The following MEGF11 variants were observed in gnomAD, a reference collection of about 807,000 sequenced individuals.
MEGF11 encodes multiple epidermal growth factor-like domains protein 11.
MEGF11 carries 126 observed loss-of-function variants against 146.6 expected under a neutral mutation model. The ratio of observed to expected loss-of-function variants is 0.86; its 90% CI spans 0.74 to 1.00. MEGF11 has a LOEUF of 1.00. MEGF11 is among the 50% of genes least tolerant of loss of function. The pLI, the probability that MEGF11 is intolerant of heterozygous loss-of-function variation, is 0.00. For missense variants in MEGF11, 1,509 were observed against 1,521.2 expected (o/e 0.99, Z 0.13); for synonymous variants, 532 against 583.4 (o/e 0.91, Z 1.27).
At chr15:66,097,864 G>C (rs113039541) in intron 4 of MEGF11, among the ~76,000 whole-genome samples, 1 of 152,136 alleles carries the variant, frequency 6.6e-6, no homozygotes, top group Non-Finnish European at 1.5e-5. Context: ...CTCGCACAGG[G>C]TAAGATGAGT....
At chr15:65,968,326 G>A (rs947654942) in intron 8 of MEGF11, among the ~76,000 whole-genome samples, 1 of 152,200 alleles carries the variant, frequency 6.6e-6, no homozygotes, top group Admixed American at 6.5e-5. Context: ...GTGCTTTGCT[G>A]GCCTCGAATG....
intron 3 of MEGF11, among the ~76,000 whole-genome samples, chr15:66,120,567 C>T (rs1015025498): frequency 1.3e-5 from 2 of 152,186 alleles, no homozygotes; most frequent in Non-Finnish European, 2.9e-5. Flanking sequence ...GGACAACCCT[C>T]CCACACCTTA....
chr15:66,079,613 C>T (rs889596278), intron 5 of MEGF11, among the ~76,000 whole-genome samples: 3 of 150,932 alleles, frequency 2.0e-5, no homozygotes, highest in South Asian at 2.1e-4. Flanking sequence ...GACAGGCCGA[C>T]GGCTCAGATA....
chr15:66,147,225 CCCT>C (rs1184241106), intron 1 of MEGF11, among the ~76,000 whole-genome samples: 1 of 152,130 alleles, frequency 6.6e-6, no homozygotes, highest in African/African-American at 2.4e-5. Flanking sequence ...CCACCCTAGT[CCCT>C]CCTCCTAAAT....
rs1025944271 is a variant in MEGF11, at chr15:66,183,393, G to A, written c.-8-54982C>T. Among the ~76,000 whole-genome samples the A allele has an allele frequency of 5.3e-5, 8 of 151,948 alleles. No homozygotes were observed. In the South Asian group the frequency reaches 6.3e-4, roughly 12 times the overall value. ...CTCACGGCTGTAGTCCCAGCTATTC[G>A]GGAGGCTGAGGCAAAAGAATCGCTT... On this transcript the variant is annotated intron_variant, in intron 1 of 25. Coordinates refer to ENST00000395614, the MANE Select transcript of MEGF11 (RefSeq NM_001385028.1).
At chr15:65,939,242 G>T (rs962046426) in intron 10 of MEGF11, among the ~76,000 whole-genome samples, 6 of 152,190 alleles carry the variant, frequency 3.9e-5, no homozygotes, top group African/African-American at 1.4e-4. Context: ...AGTTGGCCTG[G>T]CTCAGCTATC....
At chr15:65,984,179 A>C (rs977039960) in intron 5 of MEGF11, among the ~76,000 whole-genome samples, 1 of 152,176 alleles carries the variant, frequency 6.6e-6, no homozygotes, top group Non-Finnish European at 1.5e-5. Flanking sequence ...TATTACAGTG[A>C]GTAAAGCAAA....
intron 1 of MEGF11, among the ~76,000 whole-genome samples, chr15:66,246,205 A>G (rs1402540957): frequency 1.3e-5 from 2 of 152,218 alleles, no homozygotes; most frequent in African/African-American, 4.8e-5. Flanking sequence ...TGCAATGAGC[A>G]GAGATCACGC....
At chr15:65,972,369 CT>C (rs1270153349) in intron 7 of MEGF11, among the ~76,000 whole-genome samples, 1 of 152,112 alleles carries the variant, frequency 6.6e-6, no homozygotes, top group Non-Finnish European at 1.5e-5. Flanking sequence ...TTATCGTAAA[CT>C]TTTATATCTC....
chr15:65,940,753 G>A (rs2079962085), intron 10 of MEGF11, among the ~76,000 whole-genome samples: 2 of 152,202 alleles, frequency 1.3e-5, no homozygotes, highest in African/African-American at 4.8e-5. Context: ...CAGCCTGTGG[G>A]GCTGAGTCAT....
intron 8 of MEGF11, among the ~76,000 whole-genome samples, chr15:65,969,394 G>A (rs1210013190): frequency 6.6e-6 from 1 of 152,154 alleles, no homozygotes; most frequent in Non-Finnish European, 1.5e-5. Context: ...TGCACTCAAT[G>A]TTTCAGCCCT....
chr15:66,100,867 GGTGGGTGA>G (rs1567240442), intron 4 of MEGF11, among the ~76,000 whole-genome samples: 2 of 132,490 alleles, frequency 1.5e-5, no homozygotes, highest in African/African-American at 5.5e-5. Flanking sequence ...TGGGTGGGTG[GGTGGGTGA>G]GTGGGTGAGT....
At chr15:65,937,423 A>T (rs902561706) in intron 10 of MEGF11, among the ~76,000 whole-genome samples, 1 of 152,244 alleles carries the variant, frequency 6.6e-6, no homozygotes, top group Non-Finnish European at 1.5e-5. Context: ...AATTCCTGCT[A>T]GAAGTAGTCT....
intron 5 of MEGF11, among the ~76,000 whole-genome samples, chr15:66,072,614 G>A (rs571881325): frequency 2.6e-5 from 4 of 152,330 alleles, no homozygotes; most frequent in African/African-American, 7.2e-5. Flanking sequence ...TCCTGAGTGA[G>A]CGAATGAATG....
intron 1 of MEGF11, among the ~76,000 whole-genome samples, chr15:66,162,844 G>T (rs1044697761): frequency 3.3e-5 from 5 of 151,974 alleles, no homozygotes; most frequent in African/African-American, 9.7e-5. Context: ...TCGAGGAAAA[G>T]AAATGAGAGA....
chr15:66,123,202 A>G (rs2088138686), intron 3 of MEGF11, among the ~76,000 whole-genome samples: 1 of 152,204 alleles, frequency 6.6e-6, no homozygotes, highest in Admixed American at 6.5e-5. Flanking sequence ...ACATGATAAC[A>G]TATAATCTGC....
At chr15:65,917,920 T>TG (rs756683572) in intron 16 of MEGF11, 46 bp downstream of exon 16, 28 of 1,611,572 alleles carry the variant, frequency 1.7e-5, no homozygotes, top group African/African-American at 2.7e-5. Flanking sequence ...GGAGAATTTT[T>TG]GGGCCTGACC....
intron 5 of MEGF11, among the ~76,000 whole-genome samples, chr15:66,027,670 T>G (rs1342225877): frequency 6.6e-6 from 1 of 152,128 alleles, no homozygotes; most frequent in Non-Finnish European, 1.5e-5. Context: ...TGATTCAGAT[T>G]GCACAAATCT....
chr15:66,241,151 T>TC (rs1347313446), intron 1 of MEGF11, among the ~76,000 whole-genome samples: 4 of 151,952 alleles, frequency 2.6e-5, no homozygotes, highest in Non-Finnish European at 4.4e-5. Context: ...TAAGAAAATC[T>TC]CCCCCGCAGC....
Sources: allele counts gnomAD v4.1 joint callset (sites outside exome capture counted in the v4.1 genomes callset), GRCh38; gene constraint gnomAD v4.1.1; transcripts MANE v1.5; gene names NCBI Gene and HGNC (gene_info 2026-07-23, HGNC 2026-07-21).